Variants in STX8 observed in about 807,000 individuals in gnomAD.
STX8 encodes syntaxin-8.
STX8 carries 23 observed loss-of-function variants against 37.5 expected under a neutral mutation model. The ratio of observed to expected loss-of-function variants is 0.61; its 90% CI spans 0.44 to 0.87. The LOEUF (loss-of-function observed/expected upper bound fraction) is 0.87, where lower values mean the gene tolerates loss of function less well. Among genes scored for constraint, STX8 ranks in the 40% least tolerant of loss-of-function variants. STX8 has a pLI of 0.00. For synonymous variants in STX8, 115 were observed against 99.1 expected (o/e 1.16, Z -0.95); for missense variants, 313 against 284.7 (o/e 1.10, Z -0.71).
At chr17:9,558,297 C>T (rs948125036) in intron 2 of STX8, among the ~76,000 whole-genome samples, 7 of 152,190 alleles carry the variant, frequency 4.6e-5, no homozygotes, top group African/African-American at 9.6e-5. Context: ...TCCTTTGCTA[C>T]CTTGTCAAAA....
At chr17:9,300,893 T>G (rs972394695) in intron 7 of STX8, among the ~76,000 whole-genome samples, 8 of 142,852 alleles carry the variant, frequency 5.6e-5, no homozygotes, top group African/African-American at 2.1e-4. Context: ...AGTGCAGTGA[T>G]GCAATCTCGG....
intron 6 of STX8, among the ~76,000 whole-genome samples, chr17:9,392,434 C>A (rs1354919268): frequency 6.6e-6 from 1 of 152,064 alleles, no homozygotes; most frequent in Non-Finnish European, 1.5e-5. Context: ...ATAGTGAGAA[C>A]CTGTCTCTAC....
At chr17:9,439,134 A>G (rs1001224077) in intron 6 of STX8, among the ~76,000 whole-genome samples, 1 of 152,134 alleles carries the variant, frequency 6.6e-6, no homozygotes, top group African/African-American at 2.4e-5. Context: ...CAAAAACGGG[A>G]TAAACCATAG....
chr17:9,307,864 T>C (rs991180416), intron 7 of STX8, among the ~76,000 whole-genome samples: 11 of 152,106 alleles, frequency 7.2e-5, no homozygotes, highest in Admixed American at 7.2e-4. Flanking sequence ...AAGCTAGAAC[T>C]CTTCTCCCCC....
At chr17:9,302,285 T>G (rs192543117) in intron 7 of STX8, among the ~76,000 whole-genome samples, 3 of 152,092 alleles carry the variant, frequency 2.0e-5, no homozygotes, top group Non-Finnish European at 4.4e-5. Context: ...GGTGGTTTTG[T>G]TTTTTTTCTT....
chr17:9,359,720 G>T (rs550789235), intron 7 of STX8, among the ~76,000 whole-genome samples: 1 of 152,136 alleles, frequency 6.6e-6, no homozygotes, highest in East Asian at 1.9e-4. Context: ...GTGTTAGCCA[G>T]GATGGTCTCG....
At chr17:9,311,303 G>A (rs115068443) in intron 7 of STX8, among the ~76,000 whole-genome samples, 113 of 151,242 alleles carry the variant, frequency 7.5e-4, no homozygotes, top group African/African-American at 2.4e-3. Context: ...CTGGCTATTC[G>A]CAGCTGCCTG....
At chr17:9,533,195 G>A (rs573075591) in intron 4 of STX8, among the ~76,000 whole-genome samples, 3 of 152,328 alleles carry the variant, frequency 2.0e-5, no homozygotes, top group South Asian at 4.1e-4. Context: ...GGCTGGTCAC[G>A]ATGGCTCACG....
chr17:9,341,583 T>C (rs1349475688), intron 7 of STX8, among the ~76,000 whole-genome samples: 1 of 152,184 alleles, frequency 6.6e-6, no homozygotes, highest in South Asian at 2.1e-4. Flanking sequence ...ATTACAGGCA[T>C]GTGCCACCAG....
At chr17:9,477,654 T>C (rs1906160037) in intron 6 of STX8, among the ~76,000 whole-genome samples, 1 of 152,204 alleles carries the variant, frequency 6.6e-6, no homozygotes, top group Non-Finnish European at 1.5e-5. Flanking sequence ...AAATACTGAC[T>C]ACAGAAATAA....
chr17:9,390,767 G>A (rs1912188212), intron 6 of STX8, among the ~76,000 whole-genome samples: 1 of 150,336 alleles, frequency 6.7e-6, no homozygotes, highest in Non-Finnish European at 1.5e-5. Flanking sequence ...AACCCGGGAG[G>A]TGGAGGTTGC....
intron 7 of STX8, among the ~76,000 whole-genome samples, chr17:9,340,988 A>T (rs8066715): frequency 0.45 from 66,319 of 147,316 alleles, 15,958 homozygotes; most frequent in African/African-American, 0.63. Flanking sequence ...AATTTAAATT[A>T]TAAATTATAA....
chr17:9,562,821 C>A (rs990207555), intron 2 of STX8, among the ~76,000 whole-genome samples: 2 of 152,024 alleles, frequency 1.3e-5, no homozygotes, highest in African/African-American at 4.8e-5. Context: ...GCAAGAGTGA[C>A]AACCCCTTTG....
intron 7 of STX8, among the ~76,000 whole-genome samples, chr17:9,366,318 G>A (rs1468547821): frequency 2.6e-5 from 4 of 152,112 alleles, no homozygotes; most frequent in African/African-American, 9.7e-5. Flanking sequence ...TGCAACCTCC[G>A]CCTCCCGGGT....
At chr17:9,535,656 T>G (rs1441439860) in intron 4 of STX8, among the ~76,000 whole-genome samples, 2 of 151,796 alleles carry the variant, frequency 1.3e-5, no homozygotes, top group African/African-American at 4.8e-5. Flanking sequence ...ATGGTCTCAA[T>G]CTCCTGACCT....
intron 7 of STX8, among the ~76,000 whole-genome samples, chr17:9,327,580 TC>T (rs1189737512): frequency 6.6e-6 from 1 of 152,030 alleles, no homozygotes; most frequent in Non-Finnish European, 1.5e-5. Context: ...CTTCCTGGTC[TC>T]TCTGTGTGGC....
intron 7 of STX8, among the ~76,000 whole-genome samples, chr17:9,301,552 G>A (rs964150266): frequency 2.0e-5 from 3 of 151,526 alleles, no homozygotes; most frequent in Non-Finnish European, 4.4e-5. Flanking sequence ...GCGCGATCTC[G>A]GCTCACTGCA....
At chr17:9,539,235 TA>T (rs1215788271) in intron 4 of STX8, among the ~76,000 whole-genome samples, 6 of 121,926 alleles carry the variant, frequency 4.9e-5, no homozygotes, top group African/African-American at 1.9e-4. Context: ...CTCTCCTTAA[TA>T]AGGCCACATA....
intron 6 of STX8, among the ~76,000 whole-genome samples, chr17:9,433,809 G>A (rs185061455): frequency 6.6e-6 from 1 of 152,248 alleles, no homozygotes; most frequent in African/African-American, 2.4e-5. Context: ...GGAAAGTGAG[G>A]AAGAGTTTAA....
Sources: gnomAD v4.1 joint callset for allele counts (sites outside exome capture counted in the v4.1 genomes callset) on GRCh38, gnomAD v4.1.1 for gene constraint, MANE v1.5 for transcripts, NCBI Gene and HGNC (gene_info 2026-07-23, HGNC 2026-07-21) for gene names.